ARHGAP8: variants seen among roughly 807,000 people sequenced by gnomAD.
ARHGAP8 encodes the protein Rho GTPase activating protein 8.
In ARHGAP8, 62 loss-of-function variants were observed where a neutral mutation model predicts 46.1. The observed-to-expected ratio is 1.34, with a 90% CI of 1.10 to 1.66. The LOEUF (loss-of-function observed/expected upper bound fraction) is 1.66, where lower values mean the gene tolerates loss of function less well. ARHGAP8 is among the 40% of genes most tolerant of loss of function. The pLI, the probability that ARHGAP8 is intolerant of heterozygous loss-of-function variation, is 0.00. For synonymous variants in ARHGAP8, 375 were observed against 243.1 expected (o/e 1.54, Z -5.05); for missense variants, 923 against 568.4 (o/e 1.62, Z -6.34).
At chr22:44,758,668 G>C (rs1924886253) in intron 1 of ARHGAP8, among the ~76,000 whole-genome samples, 3 of 151,726 alleles carry the variant, frequency 2.0e-5, no homozygotes, top group Non-Finnish European at 4.4e-5. Context: ...GCAGTGGGGG[G>C]TGTATTTGAG....
chr22:44,841,723 C>A (rs1380295692), intron 7 of ARHGAP8, among the ~76,000 whole-genome samples: 1 of 152,226 alleles, frequency 6.6e-6, no homozygotes, highest in Non-Finnish European at 1.5e-5. Context: ...GAAGTAGCCT[C>A]TTGACATGCC....
intron 1 of ARHGAP8, among the ~76,000 whole-genome samples, chr22:44,754,338 TTG>T (rs35257490): frequency 0.1 from 15,141 of 145,928 alleles, 1,244 homozygotes; most frequent in African/African-American, 0.23. Flanking sequence ...CATTGAAACT[TTG>T]TGTGTGTGTG....
At chr22:44,774,525 T>TC (rs1313079725) in intron 1 of ARHGAP8, among the ~76,000 whole-genome samples, 1 of 150,360 alleles carries the variant, frequency 6.7e-6, no homozygotes, top group African/African-American at 2.4e-5. Context: ...GAGATTTTTT[T>TC]TTTTTTTTTT....
At chr22:44,816,884 C>CT (rs981732386) in intron 5 of ARHGAP8, among the ~76,000 whole-genome samples, 3,642 of 115,024 alleles carry the variant, frequency 0.032, 152 homozygotes, top group African/African-American at 0.077. Flanking sequence ...TTCTTTCTTT[C>CT]TTTTTTTTTT....
intron 7 of ARHGAP8, among the ~76,000 whole-genome samples, chr22:44,830,979 A>G (rs1221816336): frequency 6.6e-6 from 1 of 152,136 alleles, no homozygotes; most frequent in East Asian, 1.9e-4. Flanking sequence ...CTTTGGAAAA[A>G]TGTATATTCA....
At chr22:44,761,275 T>A (rs974618162) in intron 1 of ARHGAP8, among the ~76,000 whole-genome samples, 2 of 152,196 alleles carry the variant, frequency 1.3e-5, no homozygotes, top group African/African-American at 4.8e-5. Flanking sequence ...TCTGTAACCG[T>A]GGACTCTGTA....
chr22:44,806,272 G>A (rs913173756), intron 3 of ARHGAP8, among the ~76,000 whole-genome samples: 1 of 152,174 alleles, frequency 6.6e-6, no homozygotes, highest in African/African-American at 2.4e-5. Context: ...ATGCCCCGGT[G>A]GCTTAGCCCA....
At chr22:44,789,743 G>A (rs769159825) in intron 2 of ARHGAP8, among the ~76,000 whole-genome samples, 17 of 151,488 alleles carry the variant, frequency 1.1e-4, no homozygotes, top group Admixed American at 5.3e-4. Context: ...TGAAGCAATC[G>A]GCCTGTCTTG....
chr22:44,829,574 T>A lies in ARHGAP8; in HGVS notation c.596+3981T>A, dbSNP rs116330120. Among the ~76,000 whole-genome samples, 679 of 152,338 alleles carry A rather than the reference T, an allele frequency of 4.5e-3. 5 individuals carry two copies. Among genetic ancestry groups the A allele is most frequent in the African/African-American group, 0.014 (578 of 41,582 alleles). On this transcript the variant is annotated intron_variant, in intron 7 of 11. Transcript: ENST00000356099. ...CGGTCCTTAGCTGCTTTTGGGACAATGGGCCACACTGCGCGTGCAGCTTGG... is the reference window on the plus strand; with the variant it reads ...CGGTCCTTAGCTGCTTTTGGGACAAAGGGCCACACTGCGCGTGCAGCTTGG...
chr22:44,783,313 C>T (rs918838101), intron 1 of ARHGAP8, among the ~76,000 whole-genome samples: 6 of 152,074 alleles, frequency 3.9e-5, no homozygotes, highest in Non-Finnish European at 8.8e-5. Context: ...ACCCCCGCAG[C>T]GGTCCATCCC....
At chr22:44,753,548 C>A (rs928914867) in intron 1 of ARHGAP8, among the ~76,000 whole-genome samples, 2 of 149,878 alleles carry the variant, frequency 1.3e-5, no homozygotes, top group African/African-American at 4.9e-5. Flanking sequence ...AACCAATCCG[C>A]TAGCAGCCTC....
intron 11 of ARHGAP8, among the ~76,000 whole-genome samples, chr22:44,861,696 G>C (rs763366779): frequency 6.6e-6 from 1 of 152,174 alleles, no homozygotes; most frequent in African/African-American, 2.4e-5. Context: ...CCCTGCCACT[G>C]GCTGGCCACA....
chr22:44,858,243 T>G (rs529979200), intron 10 of ARHGAP8, among the ~76,000 whole-genome samples: 2 of 152,172 alleles, frequency 1.3e-5, no homozygotes, highest in Non-Finnish European at 2.9e-5. Flanking sequence ...GGAGGGTGAT[T>G]GGTGTGTTGG....
chr22:44,836,888 G>A (rs563133648), intron 7 of ARHGAP8, among the ~76,000 whole-genome samples: 67 of 151,860 alleles, frequency 4.4e-4, no homozygotes, highest in Admixed American at 7.9e-4. Context: ...TGTTTTGTTT[G>A]TTTGTTTTGA....
At chr22:44,826,160 G>C (rs1423634398) in intron 7 of ARHGAP8, among the ~76,000 whole-genome samples, 2 of 152,104 alleles carry the variant, frequency 1.3e-5, no homozygotes, top group Non-Finnish European at 2.9e-5. Flanking sequence ...GTGGGCAGCT[G>C]CCTCTCATGG....
At chr22:44,807,771 G>A (rs1354165985) in intron 3 of ARHGAP8, among the ~76,000 whole-genome samples, 1 of 152,224 alleles carries the variant, frequency 6.6e-6, no homozygotes, top group African/African-American at 2.4e-5. Flanking sequence ...TTCCTTGCCT[G>A]TCCAGCCCAT....
At chr22:44,851,666 C>A (rs1254584912) in intron 10 of ARHGAP8, among the ~76,000 whole-genome samples, 1 of 152,086 alleles carries the variant, frequency 6.6e-6, no homozygotes, top group African/African-American at 2.4e-5. Flanking sequence ...TAGTGAGACC[C>A]CATCTCTACA....
At chr22:44,770,274 A>G (rs1925901124) in intron 1 of ARHGAP8, among the ~76,000 whole-genome samples, 1 of 152,056 alleles carries the variant, frequency 6.6e-6, no homozygotes, top group Non-Finnish European at 1.5e-5. Context: ...CAAAAAAAAC[A>G]AAAAGAAAAT....
intron 3 of ARHGAP8, among the ~76,000 whole-genome samples, chr22:44,802,505 TC>T (rs1414424370): frequency 6.6e-6 from 1 of 152,104 alleles, no homozygotes; most frequent in Non-Finnish European, 1.5e-5. Flanking sequence ...GCGCCAGGCC[TC>T]CCCCACGCAC....
Sources: gnomAD v4.1 joint callset for allele counts (sites outside exome capture counted in the v4.1 genomes callset) on GRCh38, gnomAD v4.1.1 for gene constraint, MANE v1.5 for transcripts, NCBI Gene and HGNC (gene_info 2026-07-23, HGNC 2026-07-21) for gene names.